KIAA1217: variants seen among roughly 807,000 people sequenced by gnomAD.
KIAA1217 encodes the protein KIAA1217, also known as sickle tail protein homolog.
KIAA1217 carries 88 observed loss-of-function variants against 163.9 expected under a neutral mutation model. The observed-to-expected ratio is 0.54, with a 90% CI of 0.45 to 0.64. The LOEUF is 0.64. Ranked by LOEUF, KIAA1217 falls within the 30% of genes least tolerant of loss-of-function variation. The probability of loss-of-function intolerance (pLI) is 0.00; values close to 1 mark genes in which losing one functional copy is unlikely to be tolerated. For synonymous variants in KIAA1217, 903 were observed against 923.1 expected, an observed-to-expected ratio of 0.98 and a Z score of 0.39; for missense variants, 2,372 against 2,475.0, an observed-to-expected ratio of 0.96 and a Z score of 0.88.
chr10:24,395,158 C>A (rs55795540), intron 3 of KIAA1217, among the ~76,000 whole-genome samples: 11,864 of 152,170 alleles, frequency 0.078, 563 homozygotes, highest in South Asian at 0.22. Flanking sequence ...AGAAAGTTGT[C>A]ATTTTACATT....
chr10:24,531,978 G>A lies in KIAA1217; in HGVS notation c.3231G>A (p.Glu1077=). The change falls in exon 15 of 21, where the codon GAG becomes GAA. Residue 1077 remains glutamate (E), a synonymous_variant. Coordinates refer to ENST00000376454, the MANE Select transcript of KIAA1217 (RefSeq NM_019590.5). ...ATGTGGTCTACACCGGCAGAAAGGAGAACATCACCGCTAAGGTCTGATAGG... is the reference window on the plus strand; with the variant it reads ...ATGTGGTCTACACCGGCAGAAAGGAAAACATCACCGCTAAGGTCTGATAGG... ...SGDVVYTGRK[E]NITAKASSED... is the part of the protein sequence containing the mutation. 1 of 1,576,930 alleles carries A rather than the reference G, an allele frequency of 6.3e-7. No homozygotes were observed. Among genetic ancestry groups the A allele is most frequent in the Non-Finnish European group, 8.6e-7 (1 of 1,157,312 alleles).
intron 1 of KIAA1217, among the ~76,000 whole-genome samples, chr10:23,890,312 C>G (rs185711107): frequency 2.6e-4 from 39 of 151,844 alleles, no homozygotes; most frequent in African/African-American, 8.4e-4. Context: ...AAAATAGACA[C>G]TTGATAACAG....
intron 2 of KIAA1217, among the ~76,000 whole-genome samples, chr10:24,115,734 G>A (rs1179040544): frequency 6.6e-6 from 1 of 152,200 alleles, no homozygotes; most frequent in African/African-American, 2.4e-5. Flanking sequence ...TGACTTTCAT[G>A]CTTTTGCATG....
At chr10:23,988,688 G>A (rs1846086213) in intron 1 of KIAA1217, among the ~76,000 whole-genome samples, 1 of 152,146 alleles carries the variant, frequency 6.6e-6, no homozygotes, top group Non-Finnish European at 1.5e-5. Context: ...CTAAGTATAT[G>A]AGAACTATAC....
chr10:24,016,066 T>A (rs1847467071), intron 2 of KIAA1217, among the ~76,000 whole-genome samples: 1 of 152,152 alleles, frequency 6.6e-6, no homozygotes, highest in South Asian at 2.1e-4. Context: ...AATTTATGTA[T>A]CTCAGCATGC....
At chr10:23,824,631 GAAAAAA>G (rs1216051100) in intron 1 of KIAA1217, among the ~76,000 whole-genome samples, 63 of 11,386 alleles carry the variant, frequency 5.5e-3, no homozygotes, top group East Asian at 0.012. Context: ...TCTGTCTCAA[GAAAAAA>G]AAAAAAAAAA....
chr10:24,154,799 T>C (rs754154996), intron 2 of KIAA1217, among the ~76,000 whole-genome samples: 1 of 151,980 alleles, frequency 6.6e-6, no homozygotes, highest in Non-Finnish European at 1.5e-5. Context: ...GTCTCTGAAG[T>C]TGTCTAATCA....
At chr10:24,179,733 C>T (rs1273899644) in intron 2 of KIAA1217, among the ~76,000 whole-genome samples, 1 of 152,124 alleles carries the variant, frequency 6.6e-6, no homozygotes, top group Non-Finnish European at 1.5e-5. Context: ...GGACTACAGG[C>T]ATGTGCCACC....
Position 24,543,930 on chromosome 10 carries a change from T to G in KIAA1217, c.4660T>G (p.Ser1554Ala). The part of the protein sequence containing the change: ...NKFSHVDSPN[S>A]ECKGEDATDD... Reference sequence around the variant, plus strand: ...GTTCAGCCACGTGGATTCTCCAAATTCGGAATGCAAGGGTGAGGACGCGAC... The same window carrying G: ...GTTCAGCCACGTGGATTCTCCAAATGCGGAATGCAAGGGTGAGGACGCGAC... The change falls in exon 19 of 21, where the codon TCG becomes GCG. Residue 1554 changes from serine (S) to alanine (A), a missense_variant. By Grantham distance (99) the Ser-to-Ala change is moderately conservative. Around this residue, in one of 3 missense-constraint regions of KIAA1217, gnomAD observed 690 missense variants for 677.5 expected, o/e 1.02. Coordinates refer to ENST00000376454, the MANE Select transcript of KIAA1217 (RefSeq NM_019590.5). 1 of 1,613,816 alleles carries G rather than the reference T, an allele frequency of 6.2e-7. No individual in the cohort carries two copies. Among genetic ancestry groups the G allele is most frequent in the South Asian group, 1.1e-5 (1 of 91,046 alleles).
At chr10:24,270,841 C>T (rs1034408788) in intron 2 of KIAA1217, among the ~76,000 whole-genome samples, 4 of 152,198 alleles carry the variant, frequency 2.6e-5, no homozygotes, top group Non-Finnish European at 1.5e-5. Flanking sequence ...GCCACTGCAC[C>T]CAGCCAGATT....
chr10:23,754,535 A>G (rs1407773157), intron 1 of KIAA1217, among the ~76,000 whole-genome samples: 1 of 152,174 alleles, frequency 6.6e-6, no homozygotes. Flanking sequence ...ATATTGTTGG[A>G]TCTTCTGATT....
chr10:23,990,254 T>C (rs1288622582), intron 1 of KIAA1217, among the ~76,000 whole-genome samples: 1 of 152,178 alleles, frequency 6.6e-6, no homozygotes, highest in Non-Finnish European at 1.5e-5. Context: ...ATGCAACATA[T>C]ATCCCAACCA....
At chr10:23,861,634 C>A (rs1278216902) in intron 1 of KIAA1217, among the ~76,000 whole-genome samples, 1 of 152,192 alleles carries the variant, frequency 6.6e-6, no homozygotes, top group African/African-American at 2.4e-5. Context: ...AAGCTTCAGA[C>A]ATACTCGACT....
At chr10:24,475,448 TCTTA>T (rs1592234402) in intron 6 of KIAA1217, among the ~76,000 whole-genome samples, 3 of 152,266 alleles carry the variant, frequency 2.0e-5, no homozygotes, top group Admixed American at 1.3e-4. Context: ...GGCAATCCCT[TCTTA>T]CTTGTTCAGT....
chr10:23,705,353 T>C (rs1202972875), intron 1 of KIAA1217, among the ~76,000 whole-genome samples: 1 of 152,170 alleles, frequency 6.6e-6, no homozygotes, highest in African/African-American at 2.4e-5. Context: ...GATTTATTCC[T>C]GTGTTTTCTT....
chr10:23,774,586 A>G (rs1198644505), intron 1 of KIAA1217, among the ~76,000 whole-genome samples: 1 of 152,124 alleles, frequency 6.6e-6, no homozygotes, highest in Non-Finnish European at 1.5e-5. Context: ...GGTAGATGTG[A>G]GCATCTCCAG....
intron 6 of KIAA1217, among the ~76,000 whole-genome samples, chr10:24,483,352 T>C (rs1308947368): frequency 3.3e-5 from 5 of 152,112 alleles, no homozygotes; most frequent in Admixed American, 2.0e-4. Flanking sequence ...GTCTCCCCAC[T>C]CAGTCCCTGC....
chr10:23,851,166 CT>C (rs1839294561), intron 1 of KIAA1217, among the ~76,000 whole-genome samples: 2 of 152,124 alleles, frequency 1.3e-5, no homozygotes, highest in Admixed American at 6.5e-5. Flanking sequence ...CTCCCCCTTC[CT>C]CCCACCTCAC....
chr10:24,079,197 C>A (rs946391844), intron 2 of KIAA1217, among the ~76,000 whole-genome samples: 1 of 152,090 alleles, frequency 6.6e-6, no homozygotes, highest in Non-Finnish European at 1.5e-5. Flanking sequence ...GAAAAGACAA[C>A]TATGAAAGAT....
Sources: gnomAD v4.1 joint callset for allele counts (sites outside exome capture counted in the v4.1 genomes callset) on GRCh38, gnomAD v4.1.1 for gene constraint, gnomAD v4.1.1 regional missense constraint, MANE v1.5 for transcripts, NCBI Gene and HGNC (gene_info 2026-07-23, HGNC 2026-07-21) for gene names.